The following CEP63 variants were observed in gnomAD, a reference collection of about 807,000 sequenced individuals.
CEP63 encodes centrosomal protein 63.
In CEP63, 84 loss-of-function variants were observed where a neutral mutation model predicts 89.1. The ratio of observed to expected loss-of-function variants is 0.94; its 90% CI spans 0.79 to 1.13. The LOEUF is 1.13. CEP63 is among the 50% of genes most tolerant of loss of function. The pLI is 0.00. For missense variants in CEP63, 838 were observed against 813.3 expected (o/e 1.03, Z -0.37); for synonymous variants, 267 against 272.5 (o/e 0.98, Z 0.20).
chr3:134,513,305 A>G (rs974321854), intron 3 of CEP63, among the ~76,000 whole-genome samples: 13 of 152,088 alleles, frequency 8.5e-5, no homozygotes, highest in Non-Finnish European at 8.8e-5. Context: ...TCTTTATTCT[A>G]TTTTCAGGCC....
intron 9 of CEP63, among the ~76,000 whole-genome samples, chr3:134,548,149 A>T (rs1176542198): frequency 6.6e-6 from 1 of 152,190 alleles, no homozygotes. Flanking sequence ...CTGGGGGAAA[A>T]ACCATCCCTT....
chr3:134,578,902 C>A (rs1312696054), downstream of CEP63, among the ~76,000 whole-genome samples: 2 of 152,056 alleles, frequency 1.3e-5, no homozygotes, highest in African/African-American at 2.4e-5. Flanking sequence ...GTGGAGAAGC[C>A]CTTTAGTTTA....
At chr3:134,703,345 AT>A in the CEP63 span, among the ~76,000 whole-genome samples, 1 of 151,026 alleles carries the variant, frequency 6.6e-6, no homozygotes, top group Admixed American at 6.6e-5. Flanking sequence ...TTGCAGCACT[AT>A]TCACAATAGC....
chr3:134,513,942 C>G (rs1231986605), intron 3 of CEP63, among the ~76,000 whole-genome samples: 2 of 152,088 alleles, frequency 1.3e-5, no homozygotes. Context: ...AATAATTTTG[C>G]AAATAATGCT....
At chr3:134,494,365 C>T (rs1038248233) in intron 1 of CEP63, among the ~76,000 whole-genome samples, 3 of 151,958 alleles carry the variant, frequency 2.0e-5, no homozygotes, top group Non-Finnish European at 2.9e-5. Flanking sequence ...ATCCGCCTCC[C>T]TCGGCCTCCC....
At chr3:134,585,261 T>C (rs1958460271) in intron 10 of CEP63, among the ~76,000 whole-genome samples, 1 of 152,100 alleles carries the variant, frequency 6.6e-6, no homozygotes, top group South Asian at 2.1e-4. Flanking sequence ...GCTTCTCTAG[T>C]TCTTTTAATT....
the CEP63 span, chr3:134,607,733 C>T: frequency 6.7e-5 from 66 of 985,786 alleles, no homozygotes; most frequent in East Asian, 1.1e-4. Flanking sequence ...GCCATGGCTC[C>T]GTGGTGAAGG....
intron 11 of CEP63, among the ~76,000 whole-genome samples, chr3:134,573,616 G>GT (rs1428378004): frequency 1.3e-5 from 2 of 152,130 alleles, no homozygotes. Flanking sequence ...CTATGTGTCT[G>GT]TTTTTGCACC....
the CEP63 span, among the ~76,000 whole-genome samples, chr3:134,746,010 C>A: frequency 4.6e-5 from 7 of 151,348 alleles, no homozygotes; most frequent in African/African-American, 1.7e-4. Flanking sequence ...TTGGTTTTTG[C>A]ACCCATTAAC....
the CEP63 span, among the ~76,000 whole-genome samples, chr3:134,619,469 G>A: frequency 6.6e-6 from 1 of 152,208 alleles, no homozygotes; most frequent in African/African-American, 2.4e-5. Flanking sequence ...CTTGGCAGAG[G>A]GGGCCACCTG....
At chr3:134,653,006 C>T in the CEP63 span, among the ~76,000 whole-genome samples, 2 of 152,176 alleles carry the variant, frequency 1.3e-5, no homozygotes, top group South Asian at 2.1e-4. Context: ...GCTAGGAACT[C>T]GCAAACTCTG....
chr3:134,646,514 A>G, the CEP63 span, among the ~76,000 whole-genome samples: 1 of 152,222 alleles, frequency 6.6e-6, no homozygotes, highest in African/African-American at 2.4e-5. Context: ...ATTTAGAATC[A>G]TGCCTGGCAC....
chr3:134,535,345 G>C (rs941565231), intron 5 of CEP63: 1 of 152,060 alleles, frequency 6.6e-6, no homozygotes, highest in African/African-American at 2.4e-5. Context: ...CCTACCTACA[G>C]CTTTGTAGGA....
intron 5 of CEP63, 101 bp from the exon 6 acceptor site, chr3:134,537,054 T>C (rs1348528089): frequency 5.0e-6 from 4 of 794,540 alleles, no homozygotes; most frequent in Non-Finnish European, 2.3e-6. Flanking sequence ...GGTGCAAGCG[T>C]ACCCAGGGAC....
chr3:134,701,216 G>A, the CEP63 span, among the ~76,000 whole-genome samples: 16 of 174 alleles, frequency 0.092, no homozygotes, highest in East Asian at 0.44. Context: ...ACGTATATAT[G>A]TGTGTATATA....
the CEP63 span, chr3:134,608,216 TGTTGG>T: frequency 8.4e-7 from 1 of 1,185,340 alleles, no homozygotes; most frequent in South Asian, 1.6e-5. Flanking sequence ...CAGTAGCTTC[TGTTGG>T]GGACCTGAGC....
At chr3:134,651,089 G>A in the CEP63 span, 2 of 1,527,962 alleles carry the variant, frequency 1.3e-6, no homozygotes, top group Non-Finnish European at 1.8e-6. Context: ...CTCCCCCGCC[G>A]CTGGAGCCGC....
At chr3:134,613,284 C>G in the CEP63 span, 2 of 153,504 alleles carry the variant, frequency 1.3e-5, no homozygotes, top group East Asian at 3.9e-4. Context: ...GAATGTCCTC[C>G]TGGGAGAAGC....
chr3:134,704,274 C>T, the CEP63 span, among the ~76,000 whole-genome samples: 2 of 152,194 alleles, frequency 1.3e-5, no homozygotes, highest in African/African-American at 4.8e-5. Flanking sequence ...CTGCCATGTA[C>T]TTCTGTATAT....
Sources: gnomAD v4.1 joint callset for allele counts (sites outside exome capture counted in the v4.1 genomes callset) on GRCh38, gnomAD v4.1.1 for gene constraint, MANE v1.5 for transcripts, NCBI Gene and HGNC (gene_info 2026-07-23, HGNC 2026-07-21) for gene names.